Variants in NAA11 observed in about 807,000 individuals in gnomAD.
The protein encoded by NAA11 is N-alpha-acetyltransferase 11.
Under a neutral mutation model 16.1 loss-of-function variants are expected in NAA11, and 15 were observed. That is an observed-to-expected ratio of 0.93 (90% confidence interval 0.62 to 1.44). NAA11 has a LOEUF of 1.44. Among genes scored for constraint, NAA11 ranks in the 40% most tolerant of loss-of-function variants. The probability of loss-of-function intolerance (pLI) is 0.00; values close to 1 mark genes in which losing one functional copy is unlikely to be tolerated. For synonymous variants in NAA11, 122 were observed against 112.4 expected (o/e 1.09, Z -0.54); for missense variants, 298 against 291.3 (o/e 1.02, Z -0.17).
the NAA11 span, among the ~76,000 whole-genome samples, chr4:79,198,874 T>G: frequency 3.9e-3 from 595 of 152,040 alleles, 3 homozygotes; most frequent in African/African-American, 0.014. Context: ...AAAAATTTCA[T>G]ATTCACATAC....
Position 79,325,155 on chromosome 4 carries a change from G to C in NAA11, c.*12+21C>G, listed in dbSNP as rs1724222217. 1.9e-6 allele frequency: 3 copies of C among 1,547,828 alleles called. No individual in the cohort carries two copies. The African/African-American group carries it at 4.1e-5, about 21-fold the overall frequency. On this transcript the variant is annotated intron_variant, in intron 1 of 1. Coordinates refer to ENST00000286794, the MANE Select transcript of NAA11 (RefSeq NM_032693.3). Reference sequence around the variant, plus strand: ...CAGGGATTTAGGAGAAGGGGGTACTGGGTCAGGGAAGACAGAATACCTTAA... The same window carrying C: ...CAGGGATTTAGGAGAAGGGGGTACTCGGTCAGGGAAGACAGAATACCTTAA...
the NAA11 span, among the ~76,000 whole-genome samples, chr4:79,202,610 GTTATATATAGTT>G: frequency 1.2e-4 from 3 of 25,338 alleles, no homozygotes; most frequent in Non-Finnish European, 2.4e-4. Flanking sequence ...TTTATATACA[GTTATATATAGTT>G]TTATATATAT....
the NAA11 span, among the ~76,000 whole-genome samples, chr4:79,170,272 C>A: frequency 6.6e-6 from 1 of 152,176 alleles, no homozygotes; most frequent in Admixed American, 6.6e-5. Context: ...AAGGGGCTTT[C>A]CATTTTCAGT....
the NAA11 span, among the ~76,000 whole-genome samples, chr4:79,183,427 A>G: frequency 1.3e-5 from 1 of 79,644 alleles, no homozygotes; most frequent in Non-Finnish European, 3.1e-5. Context: ...AAAAAGATAC[A>G]GTATTACTTA....
At chr4:79,314,582 G>C (rs765179601), downstream of NAA11, among the ~76,000 whole-genome samples, 6 of 144,460 alleles carry the variant, frequency 4.2e-5, no homozygotes, top group Non-Finnish European at 8.9e-5. Flanking sequence ...CTTATCCCCG[G>C]ATGGAAAATC....
chr4:79,269,163 C>T (rs1336678431), intron 2 of NAA11, among the ~76,000 whole-genome samples: 5,296 of 141,832 alleles, frequency 0.037, 43 homozygotes, highest in Non-Finnish European at 0.058. Flanking sequence ...AATAAACATA[C>T]GTGTGCATGT....
At chr4:79,238,537 G>A (rs1235263064) in intron 2 of NAA11, among the ~76,000 whole-genome samples, 1 of 152,102 alleles carries the variant, frequency 6.6e-6, no homozygotes, top group Non-Finnish European at 1.5e-5. Context: ...GAATATGTAT[G>A]ATATATATTA....
downstream of NAA11, among the ~76,000 whole-genome samples, chr4:79,314,416 G>A (rs536840535): frequency 6.6e-5 from 10 of 152,126 alleles, no homozygotes; most frequent in South Asian, 1.9e-3. Context: ...AGATGACAGT[G>A]TGCAAAACAA....
chr4:79,216,687 A>G, the NAA11 span, among the ~76,000 whole-genome samples: 4 of 152,180 alleles, frequency 2.6e-5, no homozygotes, highest in Non-Finnish European at 5.9e-5. Flanking sequence ...TTATATTGAC[A>G]GCAAATAAAA....
downstream of NAA11, among the ~76,000 whole-genome samples, chr4:79,312,200 A>C (rs1355846026): frequency 6.6e-6 from 1 of 152,256 alleles, no homozygotes; most frequent in East Asian, 1.9e-4. Context: ...AACATTTATT[A>C]TTTAACAAAC....
rs2110021604 is a variant in NAA11, at chr4:79,325,884, A to G, written c.-7T>C. 1.2e-6 allele frequency: 2 copies of G among 1,600,680 alleles called. No individual in the cohort carries two copies. The highest frequency in any genetic ancestry group is 1.7e-6 in the Non-Finnish European group (2 of 1,172,498). ...GAGCGTTGCGGATGTTCATAATGGC[A>G]GAGGGTAGGGAACCGGTTGGACTGC... is the stretch of plus-strand genomic sequence containing the variant. On this transcript the variant is annotated 5_prime_UTR_variant, in exon 1 of 2. Coordinates refer to ENST00000286794, the MANE Select transcript of NAA11 (RefSeq NM_032693.3).
intron 2 of NAA11, among the ~76,000 whole-genome samples, chr4:79,245,971 T>A (rs1273389825): frequency 1.3e-5 from 2 of 152,142 alleles, no homozygotes; most frequent in East Asian, 3.9e-4. Context: ...GAGATCAGAT[T>A]GTTACTGTGT....
At chr4:79,245,790 C>T (rs976028750) in intron 2 of NAA11, among the ~76,000 whole-genome samples, 4 of 151,856 alleles carry the variant, frequency 2.6e-5, no homozygotes, top group South Asian at 2.1e-4. Context: ...CCCAGCCGCC[C>T]GTCTGGGGGG....
intron 2 of NAA11, among the ~76,000 whole-genome samples, chr4:79,247,251 A>G (rs1721861633): frequency 6.6e-6 from 1 of 152,238 alleles, no homozygotes; most frequent in Non-Finnish European, 1.5e-5. Flanking sequence ...TTAGGAAGCC[A>G]TATACGAGAA....
intron 2 of NAA11, among the ~76,000 whole-genome samples, chr4:79,270,021 C>T (rs369764197): frequency 0.04 from 6,096 of 151,108 alleles, 154 homozygotes; most frequent in East Asian, 0.078. Context: ...TGTAGGTATG[C>T]GGCGTTATTT....
chr4:79,198,308 A>G, the NAA11 span, among the ~76,000 whole-genome samples: 1 of 151,904 alleles, frequency 6.6e-6, no homozygotes, highest in African/African-American at 2.4e-5. Context: ...TGGTAGCAAA[A>G]TCACGCATCT....
At chr4:79,314,641 TAAAAAAAAA>T (rs375245497), downstream of NAA11, among the ~76,000 whole-genome samples, 2 of 98,048 alleles carry the variant, frequency 2.0e-5, no homozygotes, top group African/African-American at 8.2e-5. Flanking sequence ...TCCTTAAAAT[TAAAAAAAAA>T]AAAAAAAAAA....
the NAA11 span, among the ~76,000 whole-genome samples, chr4:79,167,712 G>T: frequency 6.6e-6 from 1 of 152,018 alleles, no homozygotes; most frequent in Non-Finnish European, 1.5e-5. Flanking sequence ...AGGCTGTACA[G>T]GAAGCATGAG....
At chr4:79,181,227 TAAAA>T in the NAA11 span, among the ~76,000 whole-genome samples, 3 of 128,978 alleles carry the variant, frequency 2.3e-5, no homozygotes, top group Non-Finnish European at 3.4e-5. Flanking sequence ...CTTAAAGTAT[TAAAA>T]AAAAAAAAAA....
Sources: allele counts gnomAD v4.1 joint callset (sites outside exome capture counted in the v4.1 genomes callset), GRCh38; gene constraint gnomAD v4.1.1; transcripts MANE v1.5; gene names NCBI Gene and HGNC (gene_info 2026-07-23, HGNC 2026-07-21).